SYNPR: variants seen among roughly 807,000 people sequenced by gnomAD.
SYNPR encodes synaptoporin.
A neutral mutation model predicts 32.9 loss-of-function variants in SYNPR; 23 were observed. The ratio of observed to expected loss-of-function variants is 0.70; its 90% confidence interval spans 0.50 to 0.99. SYNPR has a LOEUF of 0.99. Among genes scored for constraint, SYNPR ranks in the 50% least tolerant of loss-of-function variants. The pLI is 0.00. For missense variants in SYNPR, 318 were observed against 349.3 expected (o/e 0.91, Z 0.71); for synonymous variants, 146 against 135.9 (o/e 1.07, Z -0.52).
intron 2 of SYNPR, among the ~76,000 whole-genome samples, chr3:63,384,292 A>G (rs984921338): frequency 6.6e-6 from 1 of 152,224 alleles, no homozygotes; most frequent in East Asian, 1.9e-4. Flanking sequence ...TAGTGGAATG[A>G]GTGCTCAATA....
intron 2 of SYNPR, among the ~76,000 whole-genome samples, chr3:63,476,141 G>A (rs377246710): frequency 0.43 from 14,162 of 32,636 alleles, 3,369 homozygotes; most frequent in East Asian, 0.67. Flanking sequence ...AAGGAAGGAA[G>A]GAAGGAAGGG....
intron 2 of SYNPR, among the ~76,000 whole-genome samples, chr3:63,279,606 C>T (rs1367015070): frequency 6.6e-6 from 1 of 152,208 alleles, no homozygotes; most frequent in African/African-American, 2.4e-5. Context: ...CACGTTTCGT[C>T]TTGCTAGGAA....
chr3:63,537,706 G>A (rs746255302), intron 3 of SYNPR, among the ~76,000 whole-genome samples: 3 of 152,142 alleles, frequency 2.0e-5, no homozygotes, highest in Admixed American at 2.0e-4. Flanking sequence ...GTGTCTTAGA[G>A]TTCAGCCTTA....
intron 3 of SYNPR, among the ~76,000 whole-genome samples, chr3:63,536,871 C>T (rs572005171): frequency 3.6e-4 from 54 of 152,102 alleles, no homozygotes; most frequent in African/African-American, 1.1e-3. Context: ...TATGCCAGTC[C>T]GTTTCTATAA....
intron 2 of SYNPR, among the ~76,000 whole-genome samples, chr3:63,374,053 A>G (rs2087852615): frequency 6.6e-6 from 1 of 152,176 alleles, no homozygotes; most frequent in African/African-American, 2.4e-5. Context: ...TTACCACTGG[A>G]CCTACCTTAC....
intron 4 of SYNPR, among the ~76,000 whole-genome samples, chr3:63,595,187 T>C (rs140094987): frequency 1.3e-5 from 2 of 152,274 alleles, no homozygotes; most frequent in African/African-American, 4.8e-5. Flanking sequence ...GAAGTTCTCA[T>C]CCAAAATGGA....
chr3:63,230,478 T>C (rs1453152997), intron 1 of SYNPR, among the ~76,000 whole-genome samples: 1 of 152,178 alleles, frequency 6.6e-6, no homozygotes, highest in African/African-American at 2.4e-5. Context: ...CACAGCACCT[T>C]AACCTTAAAG....
chr3:63,218,943 G>A, the SYNPR span, among the ~76,000 whole-genome samples: 1 of 152,174 alleles, frequency 6.6e-6, no homozygotes, highest in East Asian at 1.9e-4. Flanking sequence ...TGGAGCACTA[G>A]GTATGATGCT....
chr3:63,354,713 T>C (rs570805738), intron 2 of SYNPR, among the ~76,000 whole-genome samples: 96 of 152,324 alleles, frequency 6.3e-4, no homozygotes, highest in Admixed American at 1.7e-3. Flanking sequence ...GTAAATACTA[T>C]ATCAACTCTT....
At chr3:63,402,592 G>A (rs905986907) in intron 2 of SYNPR, among the ~76,000 whole-genome samples, 6 of 152,172 alleles carry the variant, frequency 3.9e-5, no homozygotes, top group Non-Finnish European at 7.3e-5. Flanking sequence ...AGTGGGCATA[G>A]CTAGGATGAC....
intron 3 of SYNPR, among the ~76,000 whole-genome samples, chr3:63,495,047 C>T (rs1296538057): frequency 6.6e-6 from 1 of 152,148 alleles, no homozygotes; most frequent in Non-Finnish European, 1.5e-5. Flanking sequence ...CAGGAATAAA[C>T]TGTGAAGGAA....
chr3:63,355,305 T>C (rs983451311), intron 2 of SYNPR, among the ~76,000 whole-genome samples: 1 of 150,076 alleles, frequency 6.7e-6, no homozygotes, highest in East Asian at 2.0e-4. Flanking sequence ...CCCAGGGCAA[T>C]TGATTCGATT....
chr3:63,387,018 C>G (rs2088055084), intron 2 of SYNPR, among the ~76,000 whole-genome samples: 1 of 152,162 alleles, frequency 6.6e-6, no homozygotes, highest in African/African-American at 2.4e-5. Flanking sequence ...TATTTGGCTT[C>G]GTAGTCTTAT....
intron 2 of SYNPR, among the ~76,000 whole-genome samples, chr3:63,475,731 C>A (rs1177453331): frequency 6.6e-6 from 1 of 152,124 alleles, no homozygotes; most frequent in African/African-American, 2.4e-5. Flanking sequence ...CTCACACTGT[C>A]CCCTCAGGCT....
At chr3:63,401,344 G>C (rs1270241571) in intron 2 of SYNPR, among the ~76,000 whole-genome samples, 5 of 152,164 alleles carry the variant, frequency 3.3e-5, no homozygotes, top group Non-Finnish European at 7.3e-5. Context: ...ATTTAGTTAA[G>C]AGCATGCGAT....
intron 3 of SYNPR, among the ~76,000 whole-genome samples, chr3:63,498,934 T>C (rs890603028): frequency 1.5e-5 from 2 of 135,794 alleles, no homozygotes; most frequent in African/African-American, 5.7e-5. Context: ...GGCAACATAG[T>C]GGGACCTCAC....
At chr3:63,513,607 T>C (rs949645178) in intron 3 of SYNPR, among the ~76,000 whole-genome samples, 9 of 152,118 alleles carry the variant, frequency 5.9e-5, no homozygotes, top group African/African-American at 2.2e-4. Flanking sequence ...GCTGTAACCT[T>C]TATTATTTAT....
intron 4 of SYNPR, among the ~76,000 whole-genome samples, chr3:63,592,890 T>C (rs1699863124): frequency 6.6e-6 from 1 of 152,086 alleles, no homozygotes; most frequent in Non-Finnish European, 1.5e-5. Flanking sequence ...TTACTTCTTT[T>C]GTCCTTGTCA....
intron 2 of SYNPR, among the ~76,000 whole-genome samples, chr3:63,347,417 G>T (rs2087451518): frequency 6.6e-6 from 1 of 152,148 alleles, no homozygotes; most frequent in Non-Finnish European, 1.5e-5. Flanking sequence ...TTCTTTGTCT[G>T]AATTCAACAC....
Sources: allele counts gnomAD v4.1 joint callset (sites outside exome capture counted in the v4.1 genomes callset), GRCh38; gene constraint gnomAD v4.1.1; transcripts MANE v1.5; gene names NCBI Gene and HGNC (gene_info 2026-07-23, HGNC 2026-07-21).